Variants in DOCK4 observed in about 807,000 individuals in gnomAD.
DOCK4 encodes dedicator of cytokinesis protein 4.
Under a neutral mutation model 268.1 loss-of-function variants are expected in DOCK4, and 97 were observed. The observed-to-expected ratio is 0.36, with a 90% confidence interval of 0.31 to 0.43. The LOEUF is 0.43. Among genes scored for constraint, DOCK4 ranks in the 20% least tolerant of loss-of-function variants. DOCK4 has a pLI of 1.00. For missense variants in DOCK4, 2,145 were observed against 2,455.7 expected (o/e 0.87, Z 2.67); for synonymous variants, 954 against 887.2 (o/e 1.08, Z -1.34).
At chr7:112,075,185 A>G (rs186010627) in intron 1 of DOCK4, among the ~76,000 whole-genome samples, 2 of 152,352 alleles carry the variant, frequency 1.3e-5, no homozygotes, top group Non-Finnish European at 1.5e-5. Context: ...TGAAGACCTA[A>G]TAGTTGAGCC....
chr7:111,948,063 C>G (rs1795759521), intron 8 of DOCK4, among the ~76,000 whole-genome samples: 1 of 152,068 alleles, frequency 6.6e-6, no homozygotes, highest in South Asian at 2.1e-4. Context: ...AGGAAATGTG[C>G]AAGAATTCAT....
intron 1 of DOCK4, among the ~76,000 whole-genome samples, chr7:112,115,699 A>G (rs1812081182): frequency 1.3e-5 from 2 of 152,026 alleles, no homozygotes; most frequent in Non-Finnish European, 2.9e-5. Flanking sequence ...TTATCTATCT[A>G]TTAACAGAGT....
intron 49 of DOCK4, among the ~76,000 whole-genome samples, chr7:111,737,994 T>C (rs148445940): frequency 6.6e-6 from 1 of 152,288 alleles, no homozygotes; most frequent in East Asian, 1.9e-4. Flanking sequence ...CAAATCCCAC[T>C]CTCTCTCATC....
At chr7:111,864,951 A>G (rs1366629673) in intron 22 of DOCK4, among the ~76,000 whole-genome samples, 3 of 152,256 alleles carry the variant, frequency 2.0e-5, no homozygotes, top group African/African-American at 7.2e-5. Flanking sequence ...AGTGTAAGAT[A>G]CACATATAAT....
At chr7:112,066,533 T>C (rs6944867) in intron 1 of DOCK4, among the ~76,000 whole-genome samples, 34 of 134,030 alleles carry the variant, frequency 2.5e-4, no homozygotes, top group South Asian at 8.8e-4. Flanking sequence ...CACACACACA[T>C]ATATATACAT....
At chr7:111,924,962 G>C (rs1240413425) in intron 12 of DOCK4, among the ~76,000 whole-genome samples, 1 of 146,460 alleles carries the variant, frequency 6.8e-6, no homozygotes, top group East Asian at 2.1e-4. Context: ...ACAATTGGTG[G>C]AATTTCTAAA....
At position 111,739,138 on chromosome 7, in the gene DOCK4, G is replaced by A. The variant is rs771255631; in HGVS notation, c.5228C>T (p.Ser1743Leu). The change falls in exon 49 of 53, where the codon TCG (serine) becomes TTG (leucine). Residue 1743 changes from serine (S) to leucine (L), a missense_variant. Physicochemically the swap from Ser to Leu is moderately radical, Grantham distance 145. Around this residue, in one of 2 missense-constraint regions of DOCK4, gnomAD observed 547 missense variants for 469.0 expected, o/e 1.17. Transcript: ENST00000428084. ...TCTCTACCCTACAAGGAGTACCTGCGAAGGCTCCACAGGTGTTGGATAGAT... is the reference window on the plus strand; with the variant it reads ...TCTCTACCCTACAAGGAGTACCTGCAAAGGCTCCACAGGTGTTGGATAGAT... ...SAIYPTPVEP[S>L]QRMLFNHIGD... The A allele has an allele frequency of 1.3e-5, 21 of 1,612,708 alleles. No individual in the cohort carries two copies. The highest frequency in any genetic ancestry group is 1.6e-4 in the Middle Eastern group (1 of 6,082).
At chr7:111,758,929 C>A in intron 40 of DOCK4, 139 bp from the exon 41 acceptor site, 1 of 754,496 alleles carries the variant, frequency 1.3e-6, no homozygotes, top group Non-Finnish European at 2.1e-6. Context: ...AAAAAATTAC[C>A]AAGAAGACGC....
Position 111,940,209 on chromosome 7 carries a change from C to G in DOCK4, c.878G>C (p.Cys293Ser). ...RMGAGEKKNA[C>S]SVQYRRPFGC... is the part of the protein sequence containing the mutation. ...AAAGGGTCGTCGGTACTGGACACTACAGGCATTCTTTTTTTCTCCTGCTCC... is the reference window on the plus strand; with the variant it reads ...AAAGGGTCGTCGGTACTGGACACTAGAGGCATTCTTTTTTTCTCCTGCTCC... Residue 293 changes from cysteine to serine, a missense_variant, in exon 11 of 53, where the codon TGT becomes TCT. Physicochemically the swap from Cys to Ser is moderately radical, Grantham distance 112 (BLOSUM62 -1). Around this residue, in one of 2 missense-constraint regions of DOCK4, gnomAD observed 1,598 missense variants for 1,986.7 expected, o/e 0.80. Coordinates refer to ENST00000428084, the MANE Select transcript of DOCK4 (RefSeq NM_001363540.2). 6.2e-7 allele frequency: 1 copy of G among 1,614,012 alleles called. No individual in the cohort carries two copies.
intron 26 of DOCK4, among the ~76,000 whole-genome samples, chr7:111,823,193 T>C (rs992275008): frequency 6.8e-6 from 1 of 147,930 alleles, no homozygotes; most frequent in Non-Finnish European, 1.5e-5. Context: ...TCATCAGACA[T>C]GGAAATATTA....
intron 1 of DOCK4, among the ~76,000 whole-genome samples, chr7:112,102,613 CTTTCCAACATGT>C (rs1810799404): frequency 6.6e-6 from 1 of 152,210 alleles, no homozygotes; most frequent in Non-Finnish European, 1.5e-5. Flanking sequence ...CTCCCTTGCC[CTTTCCAACATGT>C]GAGGACACAG....
intron 12 of DOCK4, among the ~76,000 whole-genome samples, chr7:111,921,283 T>C (rs1308908774): frequency 6.6e-6 from 1 of 152,210 alleles, no homozygotes; most frequent in Non-Finnish European, 1.5e-5. Flanking sequence ...TAAGTTCAGC[T>C]TACGGAGTGG....
Position 111,767,029 on chromosome 7 carries a change from T to G in DOCK4, c.3915+3A>C. ...CTGATCAGGATGCATCCAGGCACCT[T>G]ACCCGCATCTTGCTCAGGTTTCTGT... On this transcript the variant is annotated splice_donor_region_variant and intron_variant, in intron 38 of 52. Transcript: ENST00000428084. 2.5e-6 allele frequency: 4 copies of G among 1,612,990 alleles called. No homozygotes were observed. The highest frequency in any genetic ancestry group is 3.4e-6 in the Non-Finnish European group (4 of 1,179,076).
intron 12 of DOCK4, among the ~76,000 whole-genome samples, chr7:111,925,200 A>G (rs577150231): frequency 3.9e-4 from 60 of 152,318 alleles, no homozygotes; most frequent in African/African-American, 1.4e-3. Context: ...GTTATGTGTT[A>G]TATCTATAAG....
At chr7:111,874,286 C>G (rs1242621533) in intron 17 of DOCK4, among the ~76,000 whole-genome samples, 1 of 152,134 alleles carries the variant, frequency 6.6e-6, no homozygotes, top group South Asian at 2.1e-4. Context: ...CAGGGGCCAT[C>G]AGGACCCTGC....
intron 15 of DOCK4, among the ~76,000 whole-genome samples, chr7:111,897,593 T>C (rs1038092669): frequency 2.6e-5 from 4 of 152,164 alleles, no homozygotes; most frequent in African/African-American, 9.7e-5. Flanking sequence ...CTCAGTGATG[T>C]CATGTTGGAA....
At chr7:111,822,144 C>T (rs572029550) in intron 27 of DOCK4, among the ~76,000 whole-genome samples, 1 of 152,188 alleles carries the variant, frequency 6.6e-6, no homozygotes, top group Non-Finnish European at 1.5e-5. Context: ...GGGAACAGAA[C>T]TTCTCAATGC....
Position 111,877,031 on chromosome 7 carries a change from A to G in DOCK4, c.1743T>C (p.Asn581=). 6.5e-7 allele frequency: 1 copy of G among 1,531,314 alleles called. No homozygotes were observed. Among genetic ancestry groups the G allele is most frequent in the Non-Finnish European group, 8.8e-7 (1 of 1,139,258 alleles). The allele number at this position is 1,531,314 out of a possible 1,614,324, so 94.9% of individuals were successfully genotyped here. The change falls in exon 17 of 53, where the codon AAT becomes AAC. Residue 581 remains asparagine (N), a splice_region_variant and synonymous_variant. Transcript: ENST00000428084. ...SFLCSTKLTQ[N]GDMLDLLKWR... is the part of the protein sequence containing the mutation. ...TTCAAATAAAACATTATACATTACC[A>G]TTTTGTGTGAGTTTTGTGGAACAGA...
In DOCK4 at chr7:111,979,734, G is replaced by A. The variant is rs575740443; in HGVS notation, c.550-2451C>T. Among the ~76,000 whole-genome samples the A allele has an allele frequency of 3.9e-5, 6 of 152,252 alleles. No homozygotes were observed. In the South Asian group the frequency reaches 1.2e-3, roughly 32 times the overall value. ...CCTCATGAAAAGAATAGGCCTTAAG[G>A]AGATATCCTCTCTTAACCTCAAATA... On this transcript the variant is annotated intron_variant, in intron 7 of 52. Coordinates refer to ENST00000428084, the MANE Select transcript of DOCK4 (RefSeq NM_001363540.2).
Sources: gnomAD v4.1 joint callset for allele counts (sites outside exome capture counted in the v4.1 genomes callset) on GRCh38, gnomAD v4.1.1 for gene constraint, gnomAD v4.1.1 regional missense constraint, MANE v1.5 for transcripts, NCBI Gene and HGNC (gene_info 2026-07-23, HGNC 2026-07-21) for gene names.